KCNIP4: variants seen among roughly 807,000 people sequenced by gnomAD.
KCNIP4 encodes potassium voltage-gated channel interacting protein 4.
A neutral mutation model predicts 34.0 loss-of-function variants in KCNIP4; 12 were observed. The ratio of observed to expected loss-of-function variants is 0.35; its 90% CI spans 0.23 to 0.57. KCNIP4 has a LOEUF of 0.57. Among genes scored for constraint, KCNIP4 ranks in the 20% least tolerant of loss-of-function variants. KCNIP4 has a pLI of 0.83. For missense variants in KCNIP4, 238 were observed against 311.7 expected (o/e 0.76, Z 1.78); for synonymous variants, 124 against 102.2 (o/e 1.21, Z -1.29).
intron 1 of KCNIP4, among the ~76,000 whole-genome samples, chr4:21,402,206 T>G (rs1723614653): frequency 6.6e-6 from 1 of 152,224 alleles, no homozygotes; most frequent in Non-Finnish European, 1.5e-5. Flanking sequence ...ATTCTCTGCA[T>G]GTACTTCAAT....
chr4:21,091,075 G>C lies in KCNIP4; in HGVS notation c.62-208366C>G, dbSNP rs1746955480. Among the ~76,000 whole-genome samples, 4 of 152,296 alleles carry C rather than the reference G, an allele frequency of 2.6e-5. No homozygotes were observed. The South Asian group carries it at 8.3e-4, about 32-fold the overall frequency. ...ATTTTCAACTTTCTAATGCCTGGCTGTGCCTTGTGTGGAATCAGGGAAGTC... is the reference window on the plus strand; with the variant it reads ...ATTTTCAACTTTCTAATGCCTGGCTCTGCCTTGTGTGGAATCAGGGAAGTC... On this transcript the variant is annotated intron_variant, in intron 1 of 8. Transcript: ENST00000382152.
At position 20,987,375 on chromosome 4, in the gene KCNIP4, A is replaced by T. The variant is rs917697528; in HGVS notation, c.62-104666T>A. Among the ~76,000 whole-genome samples the T allele has an allele frequency of 2.0e-5, 3 of 151,622 alleles. No homozygotes were observed. The East Asian group carries it at 5.8e-4, about 29-fold the overall frequency. On this transcript the variant is annotated intron_variant, in intron 1 of 8. Transcript: ENST00000382152. Reference sequence around the variant, plus strand: ...TGACTCACCCCTTTCTTTACATTGTAATGAGTCCTCCAGCAGAGGTCTGTC... The same window carrying T: ...TGACTCACCCCTTTCTTTACATTGTTATGAGTCCTCCAGCAGAGGTCTGTC...
intron 1 of KCNIP4, among the ~76,000 whole-genome samples, chr4:20,974,315 A>T (rs1372641437): frequency 2.0e-5 from 3 of 152,170 alleles, no homozygotes; most frequent in Admixed American, 6.5e-5. Context: ...AATTTGAGGG[A>T]CAGTGCATCA....
chr4:21,146,103 A>C (rs1274844508), intron 1 of KCNIP4, among the ~76,000 whole-genome samples: 1 of 152,178 alleles, frequency 6.6e-6, no homozygotes, highest in African/African-American at 2.4e-5. Flanking sequence ...AAAATCCTTA[A>C]AAGTGGGAGA....
In KCNIP4 at chr4:20,758,463, T is replaced by C. The variant is rs184629737; in HGVS notation, c.358+358A>G. ...TATCTATAAATTGAGGATAATTACA[T>C]TTTTCCTAATTTTCAGAGTTGGGAG... On this transcript the variant is annotated intron_variant, in intron 4 of 8. Coordinates refer to ENST00000382152, the MANE Select transcript of KCNIP4 (RefSeq NM_025221.6). 2.3e-3 allele frequency among the ~76,000 whole-genome samples: 357 copies of C among 152,218 alleles called. 8 individuals carry two copies. The South Asian group carries it at 0.047, about 20-fold the overall frequency.
chr4:21,537,961 G>A (rs532829155), intron 1 of KCNIP4, among the ~76,000 whole-genome samples: 9 of 127,422 alleles, frequency 7.1e-5, no homozygotes, highest in African/African-American at 2.1e-4. Flanking sequence ...GAAGTAAGCC[G>A]AGATTGCACC....
chr4:21,342,901 G>A (rs562099419), intron 1 of KCNIP4, among the ~76,000 whole-genome samples: 8 of 151,992 alleles, frequency 5.3e-5, no homozygotes, highest in Non-Finnish European at 1.2e-4. Context: ...AGTAGTCTAG[G>A]TGAAGGTGAT....
intron 3 of KCNIP4, among the ~76,000 whole-genome samples, chr4:20,806,876 T>C (rs536324970): frequency 6.6e-6 from 1 of 152,232 alleles, no homozygotes; most frequent in African/African-American, 2.4e-5. Context: ...TACCCAGGTA[T>C]AAGACCAAAT....
intron 1 of KCNIP4, among the ~76,000 whole-genome samples, chr4:21,591,278 G>T (rs1378377270): frequency 6.6e-6 from 1 of 151,846 alleles, no homozygotes; most frequent in East Asian, 1.9e-4. Context: ...AAAAGAAAAT[G>T]GCCTATTCAC....
At chr4:21,785,664 A>C (rs1176348676) in intron 1 of KCNIP4, among the ~76,000 whole-genome samples, 2 of 152,112 alleles carry the variant, frequency 1.3e-5, no homozygotes, top group African/African-American at 2.4e-5. Context: ...CCCTTTACCC[A>C]GCCCTAAGTA....
At chr4:21,686,779 G>T (rs1217121358) in intron 1 of KCNIP4, among the ~76,000 whole-genome samples, 2 of 152,148 alleles carry the variant, frequency 1.3e-5, no homozygotes, top group African/African-American at 4.8e-5. Context: ...AAGATCAGAA[G>T]TGATTAGGTC....
intron 1 of KCNIP4, among the ~76,000 whole-genome samples, chr4:21,448,975 T>C (rs1433415558): frequency 6.6e-6 from 1 of 152,204 alleles, no homozygotes; most frequent in Non-Finnish European, 1.5e-5. Flanking sequence ...TTCCAAATTC[T>C]ACAGGCAGGA....
chr4:21,349,215 A>C (rs747807865), intron 1 of KCNIP4, among the ~76,000 whole-genome samples: 5 of 152,192 alleles, frequency 3.3e-5, no homozygotes, highest in Non-Finnish European at 7.3e-5. Context: ...AGTATCTACA[A>C]AACAAATACA....
At chr4:21,661,431 G>A (rs1748443403) in intron 1 of KCNIP4, among the ~76,000 whole-genome samples, 1 of 152,090 alleles carries the variant, frequency 6.6e-6, no homozygotes, top group Non-Finnish European at 1.5e-5. Context: ...CACTGCCATG[G>A]GTCTGGAGCC....
chr4:21,742,156 T>C (rs562631597), intron 1 of KCNIP4, among the ~76,000 whole-genome samples: 56 of 152,252 alleles, frequency 3.7e-4, no homozygotes, highest in Non-Finnish European at 3.2e-4. Flanking sequence ...ATGAAAAGGG[T>C]ACTGAATAAA....
At chr4:21,061,798 G>A (rs542131830) in intron 1 of KCNIP4, among the ~76,000 whole-genome samples, 1 of 152,098 alleles carries the variant, frequency 6.6e-6, no homozygotes, top group South Asian at 2.1e-4. Flanking sequence ...TTGGAAATGG[G>A]GCTTTTAAAA....
intron 1 of KCNIP4, among the ~76,000 whole-genome samples, chr4:21,609,531 A>T (rs2109141749): frequency 6.6e-6 from 1 of 152,304 alleles, no homozygotes; most frequent in South Asian, 2.1e-4. Flanking sequence ...GGGCATACTC[A>T]TTAATTCAGA....
intron 1 of KCNIP4, among the ~76,000 whole-genome samples, chr4:21,938,515 TTGTATTATACATGATTC>T (rs1273410281): frequency 1.3e-5 from 2 of 152,200 alleles, no homozygotes; most frequent in African/African-American, 2.4e-5. Flanking sequence ...AAGGTTTGTG[TTGTATTATACATGATTC>T]TGTATTATAC....
chr4:21,829,327 C>G (rs1372236862), intron 1 of KCNIP4, among the ~76,000 whole-genome samples: 5 of 151,950 alleles, frequency 3.3e-5, no homozygotes, highest in African/African-American at 1.2e-4. Context: ...AGCACTGACA[C>G]TGAAAGGGGG....
Sources: allele counts gnomAD v4.1 joint callset (sites outside exome capture counted in the v4.1 genomes callset), GRCh38; gene constraint gnomAD v4.1.1; transcripts MANE v1.5; gene names NCBI Gene and HGNC (gene_info 2026-07-23, HGNC 2026-07-21).